Variants in CTNNA2 observed in about 807,000 individuals in gnomAD.
CTNNA2 encodes catenin alpha 2.
Under a neutral mutation model 101.0 loss-of-function variants are expected in CTNNA2, and 42 were observed. That is an observed-to-expected ratio of 0.42 (90% confidence interval 0.32 to 0.54). CTNNA2 has a LOEUF of 0.54. CTNNA2 is among the 20% of genes least tolerant of loss of function. The pLI is 0.14. For missense variants in CTNNA2, 871 were observed against 1,223.1 expected (o/e 0.71, Z 4.29); for synonymous variants, 450 against 456.4 (o/e 0.99, Z 0.18).
chr2:79,281,890 T>C (rs1412458796), intron 2 of CTNNA2, among the ~76,000 whole-genome samples: 4 of 152,210 alleles, frequency 2.6e-5, no homozygotes, highest in African/African-American at 7.2e-5. Flanking sequence ...CTTAGCTATA[T>C]ATCCAGAAAA....
intron 1 of CTNNA2, among the ~76,000 whole-genome samples, chr2:79,601,419 G>A (rs769942604): frequency 6.6e-5 from 10 of 152,116 alleles, no homozygotes; most frequent in Non-Finnish European, 1.2e-4. Flanking sequence ...GTCCTGATTC[G>A]AGCCAGGGAG....
chr2:80,428,279 G>A (rs1468534810), intron 9 of CTNNA2, among the ~76,000 whole-genome samples: 1 of 152,182 alleles, frequency 6.6e-6, no homozygotes, highest in Non-Finnish European at 1.5e-5. Context: ...GGAAGGTTTT[G>A]AACAAAGGCA....
At position 79,461,217 on chromosome 2, in the gene CTNNA2, AGTTACTTT is replaced by A. The variant is rs150239151; in HGVS notation, c.-134-43834_-134-43827del. On this transcript the variant is annotated intron_variant, in intron 4 of 21. Coordinates refer to the CTNNA2 transcript ENST00000466387. ...GAAATATCTTCTAAATTATCTTCAG[AGTTACTTT>A]GTGAAACTTGTCTGTATCATTTAAG... 3.7e-3 allele frequency among the ~76,000 whole-genome samples: 560 copies of A among 152,336 alleles called. 4 individuals carry two copies. The highest frequency in any genetic ancestry group is 0.013 in the African/African-American group (546 of 41,578).
In CTNNA2 at chr2:80,641,753, C is replaced by T. The variant is rs17019557; in HGVS notation, c.2575-5832C>T. Among the ~76,000 whole-genome samples the T allele has an allele frequency of 5.3e-3, 797 of 151,782 alleles. 3 individuals carry two copies. The highest frequency in any genetic ancestry group is 0.018 in the African/African-American group (733 of 41,362). The stretch of plus-strand genomic sequence containing the variant: ...ATTCAAGTAAAATACTTGTTGATGA[C>T]GTTATATCTTAGATTATTAAAAATA... On this transcript the variant is annotated intron_variant, in intron 18 of 18. Transcript: ENST00000402739.
intron 12 of CTNNA2, among the ~76,000 whole-genome samples, chr2:80,557,735 TG>T (rs1314982376): frequency 1.3e-5 from 2 of 152,158 alleles, no homozygotes; most frequent in Admixed American, 1.3e-4. Flanking sequence ...ACAACAGGAG[TG>T]CCACTTACTA....
At chr2:80,247,841 A>T (rs771495373) in intron 7 of CTNNA2, among the ~76,000 whole-genome samples, 3 of 152,184 alleles carry the variant, frequency 2.0e-5, no homozygotes, top group Non-Finnish European at 4.4e-5. Context: ...AGGAAAATGA[A>T]ATTAGAGGAA....
At chr2:79,381,389 AC>A (rs924996717) in intron 4 of CTNNA2, among the ~76,000 whole-genome samples, 2 of 152,144 alleles carry the variant, frequency 1.3e-5, no homozygotes, top group African/African-American at 4.8e-5. Context: ...AAAAATTTTT[AC>A]TTTTGTTACG....
intron 7 of CTNNA2, among the ~76,000 whole-genome samples, chr2:80,316,539 T>C (rs1421439862): frequency 6.6e-6 from 1 of 152,188 alleles, no homozygotes; most frequent in Non-Finnish European, 1.5e-5. Context: ...ACCAACACAA[T>C]TTAAGCATCT....
At chr2:79,519,579 A>G (rs1333491233) in intron 1 of CTNNA2, among the ~76,000 whole-genome samples, 2 of 152,152 alleles carry the variant, frequency 1.3e-5, no homozygotes, top group Admixed American at 1.3e-4. Context: ...CTATAATTCT[A>G]CATGTGTTTT....
At chr2:80,440,877 T>C (rs1682500493) in intron 9 of CTNNA2, among the ~76,000 whole-genome samples, 1 of 152,188 alleles carries the variant, frequency 6.6e-6, no homozygotes, top group Admixed American at 6.6e-5. Context: ...TGGCTTAAGA[T>C]AGCATAGACT....
chr2:79,710,320 A>G (rs1301193781), intron 2 of CTNNA2, among the ~76,000 whole-genome samples: 1 of 152,156 alleles, frequency 6.6e-6, no homozygotes, highest in Non-Finnish European at 1.5e-5. Context: ...TCAATCTCAC[A>G]TATTTCATAT....
intron 11 of CTNNA2, among the ~76,000 whole-genome samples, chr2:80,551,361 A>G (rs758167504): frequency 1.4e-4 from 22 of 152,200 alleles, no homozygotes; most frequent in South Asian, 4.1e-4. Context: ...AATCAACTGT[A>G]TTAGCCACTA....
intron 6 of CTNNA2, among the ~76,000 whole-genome samples, chr2:79,879,565 A>G (rs1683269463): frequency 6.6e-6 from 1 of 151,770 alleles, no homozygotes; most frequent in Non-Finnish European, 1.5e-5. Flanking sequence ...TAGGTATTTT[A>G]TTATCTTTGT....
intron 2 of CTNNA2, among the ~76,000 whole-genome samples, chr2:79,739,906 A>G (rs546525992): frequency 6.6e-6 from 1 of 152,362 alleles, no homozygotes; most frequent in East Asian, 1.9e-4. Flanking sequence ...GAGAGGTAGT[A>G]GGTGGATCCA....
At chr2:79,708,188 A>G (rs1417103593) in intron 2 of CTNNA2, among the ~76,000 whole-genome samples, 7 of 152,188 alleles carry the variant, frequency 4.6e-5, no homozygotes, top group Non-Finnish European at 8.8e-5. Flanking sequence ...ACAGTGTACT[A>G]TGCTTATTTC....
chr2:80,111,386 G>C (rs1701199449), intron 7 of CTNNA2, among the ~76,000 whole-genome samples: 2 of 152,214 alleles, frequency 1.3e-5, no homozygotes, highest in African/African-American at 4.8e-5. Flanking sequence ...CAGAGGCCTG[G>C]ATGTGGCAGG....
intron 3 of CTNNA2, among the ~76,000 whole-genome samples, chr2:79,777,888 TG>T (rs200961116): frequency 1.4e-4 from 20 of 139,454 alleles, no homozygotes; most frequent in African/African-American, 5.5e-4. Context: ...TTTATTTGCA[TG>T]GGGTTTTTTT....
At chr2:79,809,206 T>G (rs1487428318) in intron 3 of CTNNA2, among the ~76,000 whole-genome samples, 1 of 152,208 alleles carries the variant, frequency 6.6e-6, no homozygotes, top group Non-Finnish European at 1.5e-5. Context: ...GCGTTTGGGT[T>G]GGTTCCAAGT....
chr2:80,128,562 T>G (rs904412407), intron 7 of CTNNA2, among the ~76,000 whole-genome samples: 2 of 152,166 alleles, frequency 1.3e-5, no homozygotes, highest in African/African-American at 4.8e-5. Flanking sequence ...AAAGCACAGT[T>G]TGTATAACTT....
Sources: gnomAD v4.1 joint callset for allele counts (sites outside exome capture counted in the v4.1 genomes callset) on GRCh38, gnomAD v4.1.1 for gene constraint, MANE v1.5 for transcripts, NCBI Gene and HGNC (gene_info 2026-07-23, HGNC 2026-07-21) for gene names.